Variants in PCDHGA5 observed in about 807,000 individuals in gnomAD.
The protein encoded by PCDHGA5 is protocadherin gamma subfamily A, 5, also known as protocadherin gamma-A5.
In PCDHGA5, 36 loss-of-function variants were observed where a neutral mutation model predicts 56.7. The observed-to-expected ratio is 0.64, with a 90% CI of 0.49 to 0.84. The LOEUF (loss-of-function observed/expected upper bound fraction) is 0.84. Ranked by LOEUF, PCDHGA5 falls within the 40% of genes least tolerant of loss-of-function variation. The probability of loss-of-function intolerance (pLI) is 0.00; values close to 1 mark genes in which losing one functional copy is unlikely to be tolerated. For synonymous variants in PCDHGA5, 563 were observed against 520.2 expected, an observed-to-expected ratio of 1.08 and a Z score of -1.12; for missense variants, 1,305 against 1,201.5, an observed-to-expected ratio of 1.09 and a Z score of -1.27.
chr5:141,424,036 C>A, intron 1 of PCDHGA5: 1 of 1,029,606 alleles, frequency 9.7e-7, no homozygotes, highest in Non-Finnish European at 1.2e-6. Context: ...CTTTTTATTT[C>A]CATTTCAATT....
At chr5:141,422,374 G>A (rs1268014814) in intron 1 of PCDHGA5, 1 of 1,570,452 alleles carries the variant, frequency 6.4e-7, no homozygotes, top group Non-Finnish European at 8.6e-7. Flanking sequence ...AAATGGTCAA[G>A]TCTCCTGTTT....
chr5:141,376,796 C>G (rs1030059088), intron 1 of PCDHGA5: 1 of 345,194 alleles, frequency 2.9e-6, no homozygotes, highest in South Asian at 3.6e-5. Flanking sequence ...ACGCCATTCT[C>G]CTGCCTCAGC....
intron 1 of PCDHGA5, chr5:141,402,972 G>C: frequency 6.2e-7 from 1 of 1,608,318 alleles, no homozygotes; most frequent in Non-Finnish European, 8.5e-7. Flanking sequence ...CCAACCAAAT[G>C]CCAGCTCCGC....
intron 1 of PCDHGA5, among the ~76,000 whole-genome samples, chr5:141,382,034 G>A (rs574726397): frequency 6.6e-5 from 10 of 151,712 alleles, no homozygotes; most frequent in African/African-American, 2.4e-4. Flanking sequence ...TCTCCATGTT[G>A]GTCAGGCTGG....
intron 1 of PCDHGA5, chr5:141,419,647 G>A (rs370948584): frequency 1.0e-4 from 165 of 1,612,474 alleles, no homozygotes; most frequent in Non-Finnish European, 1.4e-4. Context: ...CCGTGGACGC[G>A]GACTCGGGGC....
At chr5:141,508,662 T>G (rs2099870759) in intron 3 of PCDHGA5, among the ~76,000 whole-genome samples, 1 of 152,122 alleles carries the variant, frequency 6.6e-6, no homozygotes, top group Non-Finnish European at 1.5e-5. Context: ...CCTGTCATTC[T>G]GTCTCTGCCT....
Position 141,439,149 on chromosome 5 carries a change from C to T in PCDHGA5, c.2422-55658C>T, listed in dbSNP as rs543388568. Reference sequence around the variant, plus strand: ...CAGAGGTTGCAGTGAGCTGAGATCACGCCACTGCACTCCAGCCTGGGCGAC... The same window carrying T: ...CAGAGGTTGCAGTGAGCTGAGATCATGCCACTGCACTCCAGCCTGGGCGAC... On this transcript the variant is annotated intron_variant, in intron 1 of 3. Transcript: ENST00000518069. Among the ~76,000 whole-genome samples, 165 of 150,018 alleles carry T rather than the reference C, an allele frequency of 1.1e-3. 1 individual carries two copies. In the Middle Eastern group the frequency reaches 0.017, roughly 16 times the overall value.
At chr5:141,484,598 T>C (rs2099598059) in intron 1 of PCDHGA5, among the ~76,000 whole-genome samples, 1 of 152,080 alleles carries the variant, frequency 6.6e-6, no homozygotes, top group Non-Finnish European at 1.5e-5. Flanking sequence ...TCATTTAGAA[T>C]ACTGGTTGAT....
At chr5:141,388,332 A>G in intron 1 of PCDHGA5, 1 of 1,614,002 alleles carries the variant, frequency 6.2e-7, no homozygotes. Flanking sequence ...ACAGCCTGGC[A>G]CACGATTTAT....
intron 1 of PCDHGA5, chr5:141,417,639 C>G: frequency 1.3e-6 from 1 of 745,670 alleles, no homozygotes; most frequent in Non-Finnish European, 2.1e-6. Flanking sequence ...CGCCGGGGAT[C>G]CCTCAGCCTC....
chr5:141,456,446 T>C (rs1053843910), intron 1 of PCDHGA5, among the ~76,000 whole-genome samples: 2 of 151,782 alleles, frequency 1.3e-5, no homozygotes, highest in Admixed American at 1.3e-4. Context: ...GTATACAGAG[T>C]CCAAATATCA....
In PCDHGA5 at chr5:141,491,835, G is replaced by C; in HGVS notation, c.2422-2972G>C. On this transcript the variant is annotated intron_variant, in intron 1 of 3. Coordinates refer to ENST00000518069, the MANE Select transcript of PCDHGA5 (RefSeq NM_018918.3). The surrounding 1 kb of genome is among the most constrained non-coding windows in gnomAD (Gnocchi z 6.9). The stretch of plus-strand genomic sequence containing the variant: ...GCTGGCTGCGCTCCACCCGATTCTC[G>C]GGATCATTGGACCGTTTGCGCGAAA... 1 of 1,473,258 alleles carries C rather than the reference G, an allele frequency of 6.8e-7. No individual in the cohort carries two copies. The highest frequency in any genetic ancestry group is 9.0e-7 in the Non-Finnish European group (1 of 1,112,098). The allele number at this position is 1,473,258 out of a possible 1,614,324, so 91.3% of individuals were successfully genotyped here.
intron 1 of PCDHGA5, among the ~76,000 whole-genome samples, chr5:141,452,868 C>T (rs1339532803): frequency 6.6e-6 from 1 of 152,170 alleles, no homozygotes; most frequent in Non-Finnish European, 1.5e-5. Flanking sequence ...TTTTCTAACT[C>T]CATTTGTAAT....
Position 141,365,272 on chromosome 5 carries a change from C to A in PCDHGA5, c.942C>A (p.Phe314Leu). ...CACTGGACTATGAAGAATCCAGATT[C>A]TACCTCATGGAAGTGGTAGCTCAGG... ...LQSLDYEESR[F>L]YLMEVVAQDG... The change falls in exon 1 of 4, where the codon TTC becomes TTA. Residue 314 changes from phenylalanine to leucine, a missense_variant. Coordinates refer to ENST00000518069, the MANE Select transcript of PCDHGA5 (RefSeq NM_018918.3). 6.2e-7 allele frequency: 1 copy of A among 1,613,984 alleles called. No individual in the cohort carries two copies. Among genetic ancestry groups the A allele is most frequent in the Non-Finnish European group, 8.5e-7 (1 of 1,179,884 alleles).
At chr5:141,371,477 GCTGGGGA>G (rs1767781947) in intron 1 of PCDHGA5, 2 of 1,613,972 alleles carry the variant, frequency 1.2e-6, no homozygotes, top group African/African-American at 2.7e-5. Flanking sequence ...AAGATGCTGA[GCTGGGGA>G]CTGCCGTTGC....
intron 1 of PCDHGA5, chr5:141,383,154 C>T (rs749274128): frequency 1.2e-6 from 2 of 1,613,994 alleles, no homozygotes; most frequent in Non-Finnish European, 1.7e-6. Context: ...GCAGCTTGGT[C>T]ACTGCGGGCA....
At chr5:141,384,236 A>T in intron 1 of PCDHGA5, 1 of 1,613,886 alleles carries the variant, frequency 6.2e-7, no homozygotes, top group Non-Finnish European at 8.5e-7. Context: ...GCAGACACCA[A>T]CGATAACCCA....
chr5:141,423,489 T>C (rs764165685), intron 1 of PCDHGA5: 1 of 1,614,016 alleles, frequency 6.2e-7, no homozygotes, highest in South Asian at 1.1e-5. Context: ...TGCAAACCTA[T>C]TCCCACGAGG....
chr5:141,381,555 T>C (rs992456160), intron 1 of PCDHGA5, among the ~76,000 whole-genome samples: 2 of 152,192 alleles, frequency 1.3e-5, no homozygotes, highest in African/African-American at 4.8e-5. Flanking sequence ...TTGAATTGAA[T>C]TGCATAATGA....
Sources: allele counts gnomAD v4.1 joint callset (sites outside exome capture counted in the v4.1 genomes callset), GRCh38; gene constraint gnomAD v4.1.1; non-coding constraint Gnocchi (gnomAD v3.1); transcripts MANE v1.5; gene names NCBI Gene and HGNC (gene_info 2026-07-23, HGNC 2026-07-21).